Variants in SAMD4A observed in about 807,000 individuals in gnomAD.
The protein encoded by SAMD4A is sterile alpha motif domain containing 4A, also known as protein Smaug homolog 1.
Under a neutral mutation model 81.3 loss-of-function variants are expected in SAMD4A, and 33 were observed. The ratio of observed to expected loss-of-function variants is 0.41; its 90% CI spans 0.31 to 0.54. The LOEUF (loss-of-function observed/expected upper bound fraction) is 0.54, where lower values mean the gene tolerates loss of function less well. Among genes scored for constraint, SAMD4A ranks in the 20% least tolerant of loss-of-function variants. SAMD4A has a pLI of 0.37. For synonymous variants in SAMD4A, 389 were observed against 382.1 expected (o/e 1.02, Z -0.21); for missense variants, 854 against 951.1 (o/e 0.90, Z 1.34).
At chr14:54,787,457 G>C (rs1380860592) in intron 12 of SAMD4A, among the ~76,000 whole-genome samples, 1 of 151,012 alleles carries the variant, frequency 6.6e-6, no homozygotes, top group Non-Finnish European at 1.5e-5. Flanking sequence ...CCAACCCCCT[G>C]TGGTGGCCTC....
At chr14:54,788,817 A>G in intron 12 of SAMD4A, 99 bp from the exon 13 acceptor site, 1 of 1,451,092 alleles carries the variant, frequency 6.9e-7, no homozygotes, top group Non-Finnish European at 9.7e-7. Context: ...CTCTGCCCTC[A>G]GAGGCTGGGA....
intron 4 of SAMD4A, among the ~76,000 whole-genome samples, chr14:54,742,706 G>C (rs1348816609): frequency 4.6e-5 from 7 of 152,180 alleles, no homozygotes. Flanking sequence ...CACCAACTGA[G>C]TATGCTTATG....
intron 2 of SAMD4A, among the ~76,000 whole-genome samples, chr14:54,654,862 G>A (rs886223893): frequency 6.6e-6 from 1 of 152,254 alleles, no homozygotes; most frequent in African/African-American, 2.4e-5. Flanking sequence ...CAGTGTGCAT[G>A]AGGAAGATGG....
intron 2 of SAMD4A, among the ~76,000 whole-genome samples, chr14:54,633,319 T>G (rs1203574973): frequency 1.3e-5 from 2 of 152,124 alleles, no homozygotes; most frequent in Non-Finnish European, 2.9e-5. Context: ...GTTCAAGGAC[T>G]GGAAAGCAGG....
chr14:54,776,912 A>G (rs2038867870), intron 11 of SAMD4A, among the ~76,000 whole-genome samples: 1 of 152,106 alleles, frequency 6.6e-6, no homozygotes, highest in East Asian at 1.9e-4. Flanking sequence ...AGACAGAGAA[A>G]GAGAAAACTG....
At chr14:54,685,034 A>G (rs896521270) in intron 2 of SAMD4A, among the ~76,000 whole-genome samples, 1 of 152,284 alleles carries the variant, frequency 6.6e-6, no homozygotes, top group Non-Finnish European at 1.5e-5. Flanking sequence ...GGAGACTGTT[A>G]GCCTGAAAAA....
chr14:54,783,212 C>T (rs897136039), intron 11 of SAMD4A, among the ~76,000 whole-genome samples: 2 of 151,578 alleles, frequency 1.3e-5, no homozygotes, highest in African/African-American at 4.8e-5. Flanking sequence ...TCAGAGTTTC[C>T]TTCTACTTCT....
chr14:54,708,435 T>C (rs1014112828), intron 3 of SAMD4A, among the ~76,000 whole-genome samples: 2 of 152,168 alleles, frequency 1.3e-5, no homozygotes, highest in Non-Finnish European at 2.9e-5. Flanking sequence ...AGTGTGCAGT[T>C]TGGGAGAGAG....
chr14:54,569,490 C>T lies in SAMD4A; in HGVS notation c.196+1378C>T, dbSNP rs141467433. On this transcript the variant is annotated intron_variant, in intron 2 of 12. Transcript: ENST00000554335. ...ACATTGAGGGAGATTCCATTGAGCC[C>T]GAGCCTCCCAGCTCACACCAGGACT... Among the ~76,000 whole-genome samples, 338 of 152,292 alleles carry T rather than the reference C, an allele frequency of 2.2e-3. 1 individual carries two copies. Among genetic ancestry groups the T allele is most frequent in the African/African-American group, 7.8e-3 (324 of 41,560 alleles).
Position 54,641,052 on chromosome 14 carries a change from T to C in SAMD4A, c.197-61010T>C, listed in dbSNP as rs117234663. On this transcript the variant is annotated intron_variant, in intron 2 of 12. Coordinates refer to ENST00000554335, the MANE Select transcript of SAMD4A (RefSeq NM_015589.6). ...TCAATAAAAGCTCGGCTGTTCCTCC[T>C]TAATGCCTTTATCCTCTCATTCAGC... Among the ~76,000 whole-genome samples the C allele has an allele frequency of 1.6e-3, 251 of 152,354 alleles. 5 individuals are homozygous for C. The East Asian group carries it at 0.028, about 17-fold the overall frequency.
At chr14:54,760,096 A>T (rs2038351378) in intron 6 of SAMD4A, 65 bp from the exon 7 acceptor site, 1 of 1,509,814 alleles carries the variant, frequency 6.6e-7, no homozygotes, top group Admixed American at 2.0e-5. Context: ...AGGGGAGGGC[A>T]GGTACGGGGG....
intron 2 of SAMD4A, among the ~76,000 whole-genome samples, chr14:54,617,660 C>T (rs1033610547): frequency 2.0e-5 from 3 of 152,142 alleles, no homozygotes; most frequent in Admixed American, 6.5e-5. Flanking sequence ...AGAAATCTTT[C>T]GACCTCTTCC....
At position 54,634,125 on chromosome 14, in the gene SAMD4A, A is replaced by C. The variant is rs756026510; in HGVS notation, c.196+66013A>C. Among the ~76,000 whole-genome samples, 41 of 152,038 alleles carry C rather than the reference A, an allele frequency of 2.7e-4. 1 individual carries two copies. Among genetic ancestry groups the C allele is most frequent in the Non-Finnish European group, 5.6e-4 (38 of 68,010 alleles). ...AGATGGTGAAACCCTGTCTGTACTA[A>C]AAATACAAAAATCAGCCAGGGATGG... On this transcript the variant is annotated intron_variant, in intron 2 of 12. Coordinates refer to ENST00000554335, the MANE Select transcript of SAMD4A (RefSeq NM_015589.6).
intron 2 of SAMD4A, among the ~76,000 whole-genome samples, chr14:54,701,455 A>G (rs141545539): frequency 1.5e-4 from 23 of 152,376 alleles, no homozygotes; most frequent in Non-Finnish European, 3.1e-4. Flanking sequence ...GGTCCATTGC[A>G]TATTCTAGCT....
intron 3 of SAMD4A, among the ~76,000 whole-genome samples, chr14:54,719,922 T>A (rs2037218441): frequency 6.6e-6 from 1 of 152,218 alleles, no homozygotes; most frequent in Non-Finnish European, 1.5e-5. Flanking sequence ...TATTTGCTTC[T>A]GCAGCTCTAG....
chr14:54,683,181 A>G (rs939102594), intron 2 of SAMD4A, among the ~76,000 whole-genome samples: 1 of 152,190 alleles, frequency 6.6e-6, no homozygotes, highest in Non-Finnish European at 1.5e-5. Flanking sequence ...CCTGAAGGGG[A>G]TGAAATAGGG....
intron 2 of SAMD4A, among the ~76,000 whole-genome samples, chr14:54,659,565 C>T (rs1415973616): frequency 2.6e-5 from 4 of 152,194 alleles, no homozygotes; most frequent in Non-Finnish European, 5.9e-5. Context: ...AATGACTCCT[C>T]ATCCTGTGTC....
intron 10 of SAMD4A, among the ~76,000 whole-genome samples, chr14:54,776,092 TCCC>T (rs1407964485): frequency 1.4e-5 from 2 of 143,160 alleles, no homozygotes; most frequent in African/African-American, 2.6e-5. Flanking sequence ...TTTATAGAAC[TCCC>T]CCATTTCCTA....
intron 2 of SAMD4A, among the ~76,000 whole-genome samples, chr14:54,594,948 T>C (rs2033873952): frequency 6.6e-6 from 1 of 152,250 alleles, no homozygotes; most frequent in South Asian, 2.1e-4. Context: ...ATTATATTGC[T>C]ACCCTAACAG....
Sources: allele counts gnomAD v4.1 joint callset (sites outside exome capture counted in the v4.1 genomes callset), GRCh38; gene constraint gnomAD v4.1.1; transcripts MANE v1.5; gene names NCBI Gene and HGNC (gene_info 2026-07-23, HGNC 2026-07-21).